CLTCL1: variants seen among roughly 807,000 people sequenced by gnomAD.
CLTCL1 encodes clathrin heavy chain 2.
CLTCL1 carries 159 observed loss-of-function variants against 190.0 expected under a neutral mutation model. The observed-to-expected ratio is 0.84, with a 90% CI of 0.74 to 0.95. The LOEUF is 0.95. CLTCL1 is among the 40% of genes least tolerant of loss of function. CLTCL1 has a pLI of 0.00. For missense variants in CLTCL1, 1,878 were observed against 2,033.4 expected, an observed-to-expected ratio of 0.92 and a Z score of 1.47; for synonymous variants, 752 against 769.6, an observed-to-expected ratio of 0.98 and a Z score of 0.38.
chr22:19,252,318 A>T (rs1433158884), intron 3 of CLTCL1, among the ~76,000 whole-genome samples: 7 of 152,134 alleles, frequency 4.6e-5, no homozygotes, highest in African/African-American at 1.7e-4. Flanking sequence ...TCTGGCCCCC[A>T]ATCATCTCTC....
At chr22:19,208,536 C>T (rs1281768277) in intron 21 of CLTCL1, among the ~76,000 whole-genome samples, 2 of 152,096 alleles carry the variant, frequency 1.3e-5, no homozygotes, top group Non-Finnish European at 2.9e-5. Context: ...GGCCACCTCC[C>T]TTAGAAAAGA....
At chr22:19,278,980 G>C (rs185640032) in intron 1 of CLTCL1, among the ~76,000 whole-genome samples, 1 of 152,038 alleles carries the variant, frequency 6.6e-6, no homozygotes, top group Non-Finnish European at 1.5e-5. Flanking sequence ...GACTTGTGGT[G>C]ATCCACCTGC....
Position 19,233,576 on chromosome 22 carries a change from G to A in CLTCL1, c.1214C>T (p.Pro405Leu), listed in dbSNP as rs2085984164. The A allele has an allele frequency of 2.5e-6, 4 of 1,613,556 alleles. No homozygotes were observed. Among genetic ancestry groups the A allele is most frequent in the South Asian group, 2.2e-5 (2 of 91,060 alleles). Reference sequence around the variant, plus strand: ...TGGAGAAGCCTGGCCAGACTGAGCGGGTATACTCTGGAATTTCTGGACCGT... The same window carrying A: ...TGGAGAAGCCTGGCCAGACTGAGCGAGTATACTCTGGAATTTCTGGACCGT... The part of the protein sequence containing the change: ...RETVQKFQSI[P>L]AQSGQASPLL... Residue 405 changes from proline (P) to leucine (L), a missense_variant, in exon 8 of 33, where the codon CCC (proline) becomes CTC (leucine). Transcript: ENST00000427926.
chr22:19,208,000 A>G (rs782592506), intron 22 of CLTCL1, 154 bp downstream of exon 22: 1 of 783,204 alleles, frequency 1.3e-6, no homozygotes, highest in Non-Finnish European at 2.2e-6. Context: ...ATGCACTTGA[A>G]TCATCCCCAA....
chr22:19,264,115 A>T (rs2087043002), intron 2 of CLTCL1, among the ~76,000 whole-genome samples: 1 of 152,132 alleles, frequency 6.6e-6, no homozygotes, highest in Admixed American at 6.6e-5. Flanking sequence ...GCAACATGGC[A>T]AGACCCTGTC....
intron 22 of CLTCL1, among the ~76,000 whole-genome samples, chr22:19,204,169 T>C (rs12170361): frequency 0.012 from 1,883 of 152,272 alleles, 32 homozygotes; most frequent in African/African-American, 0.043. Context: ...CTGCTCAAAA[T>C]GTCCAGTCTC....
chr22:19,184,417 C>T (rs782589751), intron 29 of CLTCL1: 2 of 454,098 alleles, frequency 4.4e-6, no homozygotes, highest in Non-Finnish European at 8.9e-6. Flanking sequence ...GTTTGGGAGA[C>T]CCCTGAGGAC....
rs557647995 is a variant in CLTCL1, at chr22:19,274,292, T to C, written c.250+1331A>G. On this transcript the variant is annotated intron_variant, in intron 2 of 32. Transcript: ENST00000427926. ...GCCTGAACAACATGGTGGGACCCCC[T>C]TCTCTACAAATATTTTTTTAAGTAC... Among the ~76,000 whole-genome samples, 104 of 152,204 alleles carry C rather than the reference T, an allele frequency of 6.8e-4. 2 individuals are homozygous for C. The South Asian group carries it at 0.021, about 30-fold the overall frequency.
At chr22:19,185,258 ATTCCCTGGG>A (rs2084274804) in intron 29 of CLTCL1, among the ~76,000 whole-genome samples, 1 of 151,606 alleles carries the variant, frequency 6.6e-6, no homozygotes, top group South Asian at 2.1e-4. Flanking sequence ...ACAACCAAAC[ATTCCCTGGG>A]GTCACAGTCA....
intron 4 of CLTCL1, among the ~76,000 whole-genome samples, chr22:19,241,588 G>A (rs1031068304): frequency 1.5e-4 from 23 of 152,312 alleles, no homozygotes; most frequent in Non-Finnish European, 2.8e-4. Context: ...GGAATATTTC[G>A]GGGCTAACGA....
chr22:19,195,720 G>A (rs1302738284), intron 26 of CLTCL1, among the ~76,000 whole-genome samples: 1 of 152,158 alleles, frequency 6.6e-6, no homozygotes, highest in Non-Finnish European at 1.5e-5. Flanking sequence ...ACTTGACCAT[G>A]GCACCCAAAC....
At chr22:19,227,930 CTGGAT>C (rs1555956989) in intron 11 of CLTCL1, among the ~76,000 whole-genome samples, 1 of 152,176 alleles carries the variant, frequency 6.6e-6, no homozygotes, top group Non-Finnish European at 1.5e-5. Context: ...TGGGCTAAGA[CTGGAT>C]AGGTCAACAC....
chr22:19,231,614 T>G (rs112065965), intron 10 of CLTCL1, among the ~76,000 whole-genome samples: 1 of 152,232 alleles, frequency 6.6e-6, no homozygotes, highest in Admixed American at 6.5e-5. Context: ...TGATGTTAAT[T>G]TAAATAATTA....
At chr22:19,255,572 C>G (rs1197613041) in intron 2 of CLTCL1, among the ~76,000 whole-genome samples, 12 of 150,180 alleles carry the variant, frequency 8.0e-5, no homozygotes, top group Admixed American at 8.0e-4. Flanking sequence ...CAAAAAAAAT[C>G]AACTGAATTT....
At position 19,225,579 on chromosome 22, in the gene CLTCL1, G is replaced by T; in HGVS notation, c.2002C>A (p.His668Asn). The T allele has an allele frequency of 6.3e-7, 1 of 1,581,132 alleles. No homozygotes were observed. The highest frequency in any genetic ancestry group is 8.6e-7 in the Non-Finnish European group (1 of 1,163,634). ...CTGATGTTAGCAGACAGCATGGCATGCAGACACTCCACAGAATCCTCCACC... is the reference window on the plus strand; with the variant it reads ...CTGATGTTAGCAGACAGCATGGCATTCAGACACTCCACAGAATCCTCCACC... Reference protein sequence around the residue: ...LSVEDSVECLHAMLSANIRQN... With the variant: ...LSVEDSVECLNAMLSANIRQN... Residue 668 changes from histidine to asparagine, a missense_variant, in exon 13 of 33, where the codon CAT becomes AAT. Transcript: ENST00000427926.
rs560614551 is a variant in CLTCL1, at chr22:19,258,349, G to C, written c.251-4122C>G. Reference sequence around the variant, plus strand: ...TACTGATCCCAGCAGATTGAGGAGAGCACCACAGTGGTCATCACGCAGTCC... The same window carrying C: ...TACTGATCCCAGCAGATTGAGGAGACCACCACAGTGGTCATCACGCAGTCC... On this transcript the variant is annotated intron_variant, in intron 2 of 32. Coordinates refer to ENST00000427926, the MANE Select transcript of CLTCL1 (RefSeq NM_007098.4). 1.2e-4 allele frequency: 50 copies of C among 420,914 alleles called. 1 individual carries two copies. Among genetic ancestry groups the C allele is most frequent in the South Asian group, 9.9e-4 (50 of 50,290 alleles). The allele number at this position is 420,914 out of a possible 1,614,324, so 26.1% of individuals were successfully genotyped here.
intron 14 of CLTCL1, among the ~76,000 whole-genome samples, chr22:19,223,137 G>A (rs1407866774): frequency 6.6e-6 from 1 of 152,154 alleles, no homozygotes; most frequent in Non-Finnish European, 1.5e-5. Context: ...GCACACCTGC[G>A]GTAAGGGCTG....
At chr22:19,228,967 C>T (rs1029510112) in intron 11 of CLTCL1, among the ~76,000 whole-genome samples, 27 of 152,164 alleles carry the variant, frequency 1.8e-4, no homozygotes, top group African/African-American at 6.3e-4. Flanking sequence ...GAAATTGGAA[C>T]AGCTGAGCAT....
intron 15 of CLTCL1, 92 bp from the exon 16 acceptor site, chr22:19,222,185 G>C: frequency 1.5e-6 from 2 of 1,335,484 alleles, no homozygotes; most frequent in Non-Finnish European, 2.1e-6. Flanking sequence ...GCAAAACCCT[G>C]AAAGGGCTCC....
Sources: allele counts gnomAD v4.1 joint callset (sites outside exome capture counted in the v4.1 genomes callset), GRCh38; gene constraint gnomAD v4.1.1; transcripts MANE v1.5; gene names NCBI Gene and HGNC (gene_info 2026-07-23, HGNC 2026-07-21).